ESRRG: variants seen among roughly 807,000 people sequenced by gnomAD.
The protein encoded by ESRRG is estrogen-related receptor gamma.
ESRRG carries 13 observed loss-of-function variants against 44.0 expected under a neutral mutation model. The ratio of observed to expected loss-of-function variants is 0.30; its 90% confidence interval spans 0.19 to 0.47. The LOEUF is 0.47. Among genes scored for constraint, ESRRG ranks in the 20% least tolerant of loss-of-function variants. ESRRG has a pLI of 1.00. For missense variants in ESRRG, 395 were observed against 580.6 expected (o/e 0.68, Z 3.29); for synonymous variants, 215 against 214.6 (o/e 1.00, Z -0.02).
rs142756342 is a variant in ESRRG at position 216,616,355 on chromosome 1, C to T, written c.589+34618G>A. On this transcript the variant is annotated intron_variant, in intron 3 of 6. Transcript: ENST00000408911. ...GAATGGGCGCAGTGACATAGAAAAA[C>T]GCAGCTTTAGCTAATGTCCTCTTCA... 3.3e-3 allele frequency among the ~76,000 whole-genome samples: 497 copies of T among 152,308 alleles called. 3 individuals carry two copies. Among genetic ancestry groups the T allele is most frequent in the African/African-American group, 9.4e-3 (390 of 41,576 alleles).
At chr1:216,787,297 T>C (rs1032645548) in intron 2 of ESRRG, among the ~76,000 whole-genome samples, 2 of 151,830 alleles carry the variant, frequency 1.3e-5, no homozygotes, top group Non-Finnish European at 2.9e-5. Context: ...AATATTGAAA[T>C]AAGGCCATTT....
intron 1 of ESRRG, among the ~76,000 whole-genome samples, chr1:216,709,718 T>G (rs899970200): frequency 2.6e-5 from 4 of 151,842 alleles, no homozygotes; most frequent in East Asian, 3.9e-4. Context: ...GGAGGGAGTA[T>G]GTATACTCTC....
intron 1 of ESRRG, among the ~76,000 whole-genome samples, chr1:216,685,862 T>C (rs1197964826): frequency 6.6e-6 from 1 of 152,222 alleles, no homozygotes; most frequent in African/African-American, 2.4e-5. Flanking sequence ...GCTGCTTCTA[T>C]AGACATAGAT....
chr1:216,943,647 G>A (rs2149997376), intron 1 of ESRRG, among the ~76,000 whole-genome samples: 1 of 152,260 alleles, frequency 6.6e-6, no homozygotes, highest in Admixed American at 6.5e-5. Flanking sequence ...AGCCTGAACA[G>A]CATATACTCT....
intron 1 of ESRRG, among the ~76,000 whole-genome samples, chr1:217,016,078 T>A (rs889986369): frequency 1.3e-5 from 2 of 151,836 alleles, no homozygotes; most frequent in African/African-American, 4.8e-5. Context: ...GGAAGGGAGA[T>A]CTTAGAACAG....
At chr1:217,057,843 G>A (rs1416529) in intron 1 of ESRRG, among the ~76,000 whole-genome samples, 65,027 of 151,906 alleles carry the variant, frequency 0.43, 14,277 homozygotes, top group East Asian at 0.7. Context: ...TAGCTCCATC[G>A]GCTATCATTA....
intron 5 of ESRRG, among the ~76,000 whole-genome samples, chr1:216,522,743 A>G (rs1572210232): frequency 6.6e-6 from 1 of 152,156 alleles, no homozygotes; most frequent in South Asian, 2.1e-4. Context: ...AATAGACCTG[A>G]ACAATGTATA....
intron 1 of ESRRG, among the ~76,000 whole-genome samples, chr1:216,682,373 C>G (rs1204909739): frequency 6.6e-6 from 1 of 152,104 alleles, no homozygotes; most frequent in Non-Finnish European, 1.5e-5. Flanking sequence ...CTTTGTCATC[C>G]TTAAGGGCCT....
intron 2 of ESRRG, among the ~76,000 whole-genome samples, chr1:216,761,157 A>T (rs1442778166): frequency 7.3e-6 from 1 of 137,716 alleles, no homozygotes; most frequent in East Asian, 2.4e-4. Flanking sequence ...AACCTACTAC[A>T]CAAATAAAAA....
chr1:217,106,073 C>G (rs554135137), intron 1 of ESRRG, among the ~76,000 whole-genome samples: 1 of 152,192 alleles, frequency 6.6e-6, no homozygotes, highest in Admixed American at 6.5e-5. Flanking sequence ...CAATGATACA[C>G]TTAATTGCCA....
chr1:217,119,535 T>C (rs867655968), intron 1 of ESRRG, among the ~76,000 whole-genome samples: 2 of 152,340 alleles, frequency 1.3e-5, no homozygotes, highest in South Asian at 2.1e-4. Context: ...TTCTTTTGTA[T>C]CCACAATCCC....
rs556608771 is a variant in ESRRG at position 216,522,438 on chromosome 1, AG to A, written c.863-3018del. On this transcript the variant is annotated intron_variant, in intron 5 of 6. Transcript: ENST00000408911. ...TCTATGCCTTACAAAATAAAATAAA[AG>A]TCTGAACTTCTTCTATCTTTTCTTG... Among the ~76,000 whole-genome samples the A allele has an allele frequency of 4.0e-5, 5 of 123,910 alleles. No homozygotes were observed. The South Asian group carries it at 1.4e-3, about 34-fold the overall frequency. 81.3% of individuals were successfully genotyped at this position (123,910 alleles called of 152,430 possible).
intron 2 of ESRRG, among the ~76,000 whole-genome samples, chr1:216,920,381 GGAGTGTGTGT>G: frequency 8.7e-6 from 1 of 114,410 alleles, no homozygotes; most frequent in African/African-American, 3.5e-5. Flanking sequence ...TGAATGTATG[GGAGTGTGTGT>G]GTGTGTGTGT....
Position 216,677,059 on chromosome 1 carries a change from C to T in ESRRG, c.472+17G>A, listed in dbSNP as rs773822196. 1 of 1,602,920 alleles carries T rather than the reference C, an allele frequency of 6.2e-7. No individual in the cohort carries two copies. Among genetic ancestry groups the T allele is most frequent in the African/African-American group, 1.3e-5 (1 of 74,814 alleles). ...GAGGTTGGAAGTGGGGAGAGTATTC[C>T]CAGGTCCGACACTAACCTTGAATTG... On this transcript the variant is annotated intron_variant, in intron 2 of 6. Coordinates refer to ENST00000408911, the MANE Select transcript of ESRRG (RefSeq NM_001438.4).
At chr1:217,095,149 T>C (rs796935440) in intron 1 of ESRRG, among the ~76,000 whole-genome samples, 2 of 152,340 alleles carry the variant, frequency 1.3e-5, no homozygotes, top group African/African-American at 4.8e-5. Context: ...GAATCATTTA[T>C]TTAAAAACTG....
At chr1:216,800,279 C>T (rs1486901730) in intron 2 of ESRRG, among the ~76,000 whole-genome samples, 2 of 152,132 alleles carry the variant, frequency 1.3e-5, no homozygotes, top group Non-Finnish European at 2.9e-5. Flanking sequence ...AAGGAATGAA[C>T]CACCAAGGAA....
At chr1:216,804,714 T>C (rs1224620840) in intron 2 of ESRRG, among the ~76,000 whole-genome samples, 3 of 152,128 alleles carry the variant, frequency 2.0e-5, no homozygotes, top group East Asian at 1.9e-4. Context: ...AAAAGGATCA[T>C]TCCTTTGAGG....
rs74754653 is a variant in ESRRG at position 216,813,720 on chromosome 1, A to G, written c.-14+125862T>C. ...GTGAAGCTCAGACAGGTGGATATGC[A>G]TGAAAGTGATCATAAGTGCCTGCAC... On this transcript the variant is annotated intron_variant, in intron 2 of 7. Transcript: ENST00000359162. 4.7e-3 allele frequency among the ~76,000 whole-genome samples: 711 copies of G among 152,308 alleles called. 5 individuals carry two copies. The highest frequency in any genetic ancestry group is 0.016 in the African/African-American group (675 of 41,568).
intron 1 of ESRRG, among the ~76,000 whole-genome samples, chr1:217,114,061 T>C (rs1162692156): frequency 6.6e-6 from 1 of 152,062 alleles, no homozygotes; most frequent in African/African-American, 2.4e-5. Context: ...TGTTTATAGA[T>C]AAAACTCATC....
Sources: allele counts gnomAD v4.1 joint callset (sites outside exome capture counted in the v4.1 genomes callset), GRCh38; gene constraint gnomAD v4.1.1; transcripts MANE v1.5; gene names NCBI Gene and HGNC (gene_info 2026-07-23, HGNC 2026-07-21).